AGBL4: variants seen among roughly 807,000 people sequenced by gnomAD.
AGBL4 encodes the protein AGBL carboxypeptidase 4.
AGBL4 carries 58 observed loss-of-function variants against 66.4 expected under a neutral mutation model. The ratio of observed to expected loss-of-function variants is 0.87; its 90% confidence interval spans 0.71 to 1.09. AGBL4 has a LOEUF of 1.09. Among genes scored for constraint, AGBL4 ranks in the 50% least tolerant of loss-of-function variants. AGBL4 has a pLI of 0.00. For missense variants in AGBL4, 579 were observed against 631.0 expected (o/e 0.92, Z 0.88); for synonymous variants, 234 against 222.9 (o/e 1.05, Z -0.44).
intron 4 of AGBL4, among the ~76,000 whole-genome samples, chr1:49,092,382 A>G (rs994063050): frequency 6.6e-6 from 1 of 152,174 alleles, no homozygotes; most frequent in Non-Finnish European, 1.5e-5. Context: ...TCCTTAGCCA[A>G]TAACAGAGCC....
intron 3 of AGBL4, among the ~76,000 whole-genome samples, chr1:49,536,622 C>G (rs1479510452): frequency 6.6e-6 from 1 of 152,018 alleles, no homozygotes; most frequent in Non-Finnish European, 1.5e-5. Context: ...AAGAATGAAG[C>G]TGGAGGCATC....
intron 4 of AGBL4, among the ~76,000 whole-genome samples, chr1:49,102,811 T>G (rs182183868): frequency 1.8e-4 from 27 of 152,308 alleles, no homozygotes; most frequent in African/African-American, 6.0e-4. Flanking sequence ...GTGTTTGAAC[T>G]TGGGTCTCTT....
At chr1:48,810,243 G>A (rs924154937) in intron 6 of AGBL4, among the ~76,000 whole-genome samples, 1 of 152,250 alleles carries the variant, frequency 6.6e-6, no homozygotes, top group Non-Finnish European at 1.5e-5. Context: ...ACAATAGAGA[G>A]TTGGGCACTG....
At chr1:49,637,141 G>C (rs1645690304) in intron 3 of AGBL4, among the ~76,000 whole-genome samples, 1 of 152,118 alleles carries the variant, frequency 6.6e-6, no homozygotes, top group African/African-American at 2.4e-5. Flanking sequence ...GGCTCTCCTT[G>C]CTCCTCAGCT....
chr1:48,663,643 A>T (rs1348318576), intron 6 of AGBL4, among the ~76,000 whole-genome samples: 1 of 152,194 alleles, frequency 6.6e-6, no homozygotes, highest in African/African-American at 2.4e-5. Flanking sequence ...GGATTTTAAT[A>T]GGTTTGTTGT....
At chr1:49,133,447 C>G (rs1329950644) in intron 4 of AGBL4, among the ~76,000 whole-genome samples, 1 of 151,932 alleles carries the variant, frequency 6.6e-6, no homozygotes, top group Non-Finnish European at 1.5e-5. Context: ...ATTTGAACAG[C>G]CAATTCATTA....
chr1:48,733,502 A>C (rs1648490735), intron 6 of AGBL4, among the ~76,000 whole-genome samples: 1 of 151,712 alleles, frequency 6.6e-6, no homozygotes, highest in Admixed American at 6.5e-5. Flanking sequence ...TGGAAAAAGT[A>C]AAAAAATTTA....
At chr1:49,703,525 T>TAA (rs776360933) in intron 2 of AGBL4, among the ~76,000 whole-genome samples, 2 of 141,644 alleles carry the variant, frequency 1.4e-5, no homozygotes, top group African/African-American at 5.2e-5. Flanking sequence ...CATTCATGAT[T>TAA]AAAAAAAAAA....
chr1:49,288,480 G>A (rs1644468788), intron 3 of AGBL4, among the ~76,000 whole-genome samples: 1 of 152,158 alleles, frequency 6.6e-6, no homozygotes, highest in African/African-American at 2.4e-5. Context: ...TTGGTTTTCA[G>A]GGATGTCAAG....
chr1:49,234,868 C>T lies in AGBL4; in HGVS notation c.377+10902G>A, dbSNP rs137964073. 2.8e-4 allele frequency among the ~76,000 whole-genome samples: 43 copies of T among 152,246 alleles called. No homozygotes were observed. The East Asian group carries it at 4.6e-3, about 16-fold the overall frequency. ...AGCTAAGGGTCATATAAATTTGGGA[C>T]GGAGTTCTGGCTCTGCCCCTGACTA... On this transcript the variant is annotated intron_variant, in intron 4 of 13. Transcript: ENST00000371839.
At chr1:49,713,995 C>T (rs1647879621) in intron 2 of AGBL4, among the ~76,000 whole-genome samples, 2 of 152,026 alleles carry the variant, frequency 1.3e-5, no homozygotes, top group African/African-American at 4.8e-5. Context: ...ACACTCCTAA[C>T]TGCACTCTCT....
intron 3 of AGBL4, among the ~76,000 whole-genome samples, chr1:49,596,143 T>G (rs1644848774): frequency 6.6e-6 from 1 of 152,128 alleles, no homozygotes; most frequent in Non-Finnish European, 1.5e-5. Flanking sequence ...GTGACCACAA[T>G]AGCATACTTC....
intron 2 of AGBL4, among the ~76,000 whole-genome samples, chr1:49,803,113 AATTT>A (rs971225194): frequency 1.3e-3 from 203 of 150,992 alleles, no homozygotes; most frequent in African/African-American, 4.8e-3. Context: ...ATATATTCAT[AATTT>A]ATTTAATTAA....
intron 5 of AGBL4, among the ~76,000 whole-genome samples, chr1:48,957,284 T>C (rs1010306766): frequency 1.3e-5 from 2 of 152,220 alleles, no homozygotes; most frequent in Non-Finnish European, 2.9e-5. Flanking sequence ...TAGTATGCTT[T>C]AGAACTTAGC....
chr1:48,770,925 C>A (rs1251806463), intron 6 of AGBL4, among the ~76,000 whole-genome samples: 1 of 152,176 alleles, frequency 6.6e-6, no homozygotes, highest in South Asian at 2.1e-4. Context: ...CAAGTCCAGT[C>A]CATGTGGGAA....
intron 2 of AGBL4, among the ~76,000 whole-genome samples, chr1:49,793,113 C>A (rs2147932074): frequency 6.6e-6 from 1 of 152,060 alleles, no homozygotes; most frequent in Middle Eastern, 3.4e-3. Context: ...TCTTCATCAC[C>A]TGATATTTAA....
intron 4 of AGBL4, among the ~76,000 whole-genome samples, chr1:49,190,216 A>G (rs889088817): frequency 1.3e-5 from 2 of 152,178 alleles, no homozygotes; most frequent in African/African-American, 2.4e-5. Flanking sequence ...CCGCACACAA[A>G]GTTTCTAAGA....
chr1:49,075,240 A>G (rs1644688013), intron 4 of AGBL4, among the ~76,000 whole-genome samples: 1 of 152,230 alleles, frequency 6.6e-6, no homozygotes, highest in Non-Finnish European at 1.5e-5. Flanking sequence ...AAAAGAGAAA[A>G]TGAAGACCAG....
intron 5 of AGBL4, among the ~76,000 whole-genome samples, chr1:49,012,315 A>T (rs570562527): frequency 3.3e-5 from 5 of 152,294 alleles, no homozygotes; most frequent in Admixed American, 1.3e-4. Context: ...AGAGAAAGAG[A>T]CCCAGAGACA....
Sources: allele counts gnomAD v4.1 joint callset (sites outside exome capture counted in the v4.1 genomes callset), GRCh38; gene constraint gnomAD v4.1.1; transcripts MANE v1.5; gene names NCBI Gene and HGNC (gene_info 2026-07-23, HGNC 2026-07-21).